IL1RAPL2: variants seen among roughly 807,000 people sequenced by gnomAD.
IL1RAPL2 encodes interleukin 1 receptor accessory protein like 2.
IL1RAPL2 carries 3 observed loss-of-function variants against 44.1 expected under a neutral mutation model. That is an observed-to-expected ratio of 0.07 (90% CI 0.03 to 0.18). The LOEUF is 0.18. Among genes scored for constraint, IL1RAPL2 ranks in the 10% least tolerant of loss-of-function variants. IL1RAPL2 has a pLI of 1.00. For synonymous variants in IL1RAPL2, 181 were observed against 178.8 expected (o/e 1.01, Z -0.10); for missense variants, 391 against 496.4 (o/e 0.79, Z 2.02).
At chrX:105,761,280 G>A (rs1434665598) in intron 10 of IL1RAPL2, among the ~76,000 whole-genome samples, 1 of 102,318 alleles carries the variant, frequency 9.8e-6, no homozygotes, top group Non-Finnish European at 2.0e-5. Flanking sequence ...TTAACATTAT[G>A]TAGCCTCAGT....
At chrX:104,726,807 G>A (rs1034821116) in intron 2 of IL1RAPL2, among the ~76,000 whole-genome samples, 2 of 110,390 alleles carry the variant, frequency 1.8e-5, no homozygotes, top group Non-Finnish European at 3.8e-5. Flanking sequence ...TTTTGGCTGC[G>A]ATAGCCTCAT....
chrX:104,816,203 G>T (rs1481862067), intron 2 of IL1RAPL2, among the ~76,000 whole-genome samples: 1 of 111,808 alleles, frequency 8.9e-6, no homozygotes, highest in Non-Finnish European at 1.9e-5. Flanking sequence ...CAGAGCCATG[G>T]ATTTAATTTT....
chrX:104,891,152 C>A (rs144495786), intron 2 of IL1RAPL2, among the ~76,000 whole-genome samples: 11 of 109,826 alleles, frequency 1.0e-4, no homozygotes, highest in South Asian at 7.9e-4. Flanking sequence ...TGTTCCACTT[C>A]TCTATATCTC....
chrX:104,715,502 C>T (rs1180296291), intron 2 of IL1RAPL2, among the ~76,000 whole-genome samples: 2 of 105,963 alleles, frequency 1.9e-5, no homozygotes, highest in Non-Finnish European at 3.9e-5. Context: ...TGAGCTCTGA[C>T]TTTGATTATT....
chrX:105,007,987 G>GAGAAATGCCA (rs2030973503), intron 2 of IL1RAPL2, among the ~76,000 whole-genome samples: 1 of 114,666 alleles, frequency 8.7e-6, no homozygotes, highest in Admixed American at 9.1e-5. Context: ...ACTTACTATT[G>GAGAAATGCCA]AGAAGAGAAT....
At chrX:104,567,119 G>T (rs1439879887) in intron 1 of IL1RAPL2, 68 bp downstream of exon 1, 1 of 113,375 alleles carries the variant, frequency 8.8e-6, no homozygotes, top group Non-Finnish European at 1.9e-5. Flanking sequence ...TGCGCTCTCA[G>T]TTGGCAGCGG....
At chrX:104,751,495 C>CAGT (rs1932259042) in intron 2 of IL1RAPL2, among the ~76,000 whole-genome samples, 1 of 111,328 alleles carries the variant, frequency 9.0e-6, no homozygotes, top group Non-Finnish European at 1.9e-5. Flanking sequence ...CAAAGTATTA[C>CAGT]AGTACCCAGT....
chrX:105,592,294 T>A (rs2037177937), intron 6 of IL1RAPL2, among the ~76,000 whole-genome samples: 1 of 112,198 alleles, frequency 8.9e-6, no homozygotes, highest in Non-Finnish European at 1.9e-5. Context: ...TTTCTCTCCA[T>A]CCTTTTACTT....
intron 5 of IL1RAPL2, 30 bp downstream of exon 5, chrX:105,267,571 A>T (rs1312017871): frequency 9.0e-7 from 1 of 1,115,463 alleles, no homozygotes; most frequent in African/African-American, 1.8e-5. Flanking sequence ...AATTACGGCA[A>T]ATGAGATTTT....
chrX:105,051,944 A>G (rs898483781), intron 2 of IL1RAPL2, among the ~76,000 whole-genome samples: 3 of 112,488 alleles, frequency 2.7e-5, no homozygotes, highest in Non-Finnish European at 5.6e-5. Context: ...ACATATACCT[A>G]TGTAAAAAAC....
At chrX:105,202,787 C>T (rs185150695) in intron 3 of IL1RAPL2, among the ~76,000 whole-genome samples, 132 of 111,750 alleles carry the variant, frequency 1.2e-3, no homozygotes, top group South Asian at 2.6e-3. Flanking sequence ...AAAACCACAA[C>T]ACTGTTTAAA....
intron 2 of IL1RAPL2, among the ~76,000 whole-genome samples, chrX:104,823,642 A>G (rs1292249253): frequency 2.7e-5 from 3 of 109,128 alleles, no homozygotes; most frequent in Non-Finnish European, 3.8e-5. Flanking sequence ...GTCAAATGGT[A>G]TTTCCAGTTC....
intron 6 of IL1RAPL2, among the ~76,000 whole-genome samples, chrX:105,679,930 A>T (rs1300100998): frequency 8.9e-6 from 1 of 111,790 alleles, no homozygotes; most frequent in Non-Finnish European, 1.9e-5. Flanking sequence ...GCTCTTTATT[A>T]TGTGTGGACC....
intron 1 of IL1RAPL2, among the ~76,000 whole-genome samples, chrX:104,632,436 G>T (rs1162765216): frequency 9.0e-6 from 1 of 111,506 alleles, no homozygotes; most frequent in African/African-American, 3.3e-5. Flanking sequence ...CTTGGACAGT[G>T]TGGCCATTTT....
chrX:104,753,042 T>A (rs1341107416), intron 2 of IL1RAPL2, among the ~76,000 whole-genome samples: 3 of 110,162 alleles, frequency 2.7e-5, no homozygotes, highest in Non-Finnish European at 3.8e-5. Flanking sequence ...TCATTCAAGT[T>A]CCCTTCCTGG....
chrX:105,185,779 G>A (rs782620077), intron 2 of IL1RAPL2, among the ~76,000 whole-genome samples: 1 of 112,072 alleles, frequency 8.9e-6, no homozygotes, highest in South Asian at 3.7e-4. Flanking sequence ...GGATTCAGAT[G>A]TTTTAGAAAA....
chrX:105,259,861 A>G (rs1476105866), intron 4 of IL1RAPL2, among the ~76,000 whole-genome samples: 1 of 111,875 alleles, frequency 8.9e-6, no homozygotes, highest in African/African-American at 3.3e-5. Flanking sequence ...ATATGGGAAT[A>G]GGCACCCACA....
At chrX:105,549,637 C>A (rs781438012) in intron 6 of IL1RAPL2, among the ~76,000 whole-genome samples, 1 of 111,628 alleles carries the variant, frequency 9.0e-6, no homozygotes, top group Non-Finnish European at 1.9e-5. Flanking sequence ...CATATATACT[C>A]TAGAACTCCA....
Position 104,881,099 on chromosome X carries a change from A to G in IL1RAPL2, c.82+222104A>G, listed in dbSNP as rs192556515. Among the ~76,000 whole-genome samples the G allele has an allele frequency of 6.0e-3, 671 of 111,898 alleles. 1 individual carries two copies. Among genetic ancestry groups the G allele is most frequent in the Non-Finnish European group, 9.5e-3 (506 of 53,085 alleles). Reference sequence around the variant, plus strand: ...TCTAGGCTCTCAAACTTTATTTTACATAACGTAAAATTTTTATAAAAATGT... The same window carrying G: ...TCTAGGCTCTCAAACTTTATTTTACGTAACGTAAAATTTTTATAAAAATGT... On this transcript the variant is annotated intron_variant, in intron 2 of 10. Coordinates refer to ENST00000372582, the MANE Select transcript of IL1RAPL2 (RefSeq NM_017416.2).
Sources: gnomAD v4.1 joint callset for allele counts (sites outside exome capture counted in the v4.1 genomes callset) on GRCh38, gnomAD v4.1.1 for gene constraint, MANE v1.5 for transcripts, NCBI Gene and HGNC (gene_info 2026-07-23, HGNC 2026-07-21) for gene names.